RYR1: variants seen among roughly 807,000 people sequenced by gnomAD.
The protein encoded by RYR1 is central core disease of muscle.
Under a neutral mutation model 583.5 loss-of-function variants are expected in RYR1, and 342 were observed. That is an observed-to-expected ratio of 0.59 (90% CI 0.54 to 0.64). The LOEUF (loss-of-function observed/expected upper bound fraction) is 0.64. RYR1 is among the 30% of genes least tolerant of loss of function. RYR1 has a pLI of 0.00. For synonymous variants in RYR1, 2,791 were observed against 2,822.5 expected, an observed-to-expected ratio of 0.99 and a Z score of 0.35; for missense variants, 6,032 against 6,917.2, an observed-to-expected ratio of 0.87 and a Z score of 4.54.
intron 23 of RYR1, 148 bp from the exon 24 acceptor site, chr19:38,465,943 T>C (rs1968075166): frequency 3.7e-6 from 3 of 808,840 alleles, no homozygotes; most frequent in Admixed American, 2.3e-5. Context: ...TCAAAACTTA[T>C]TCTAAAATTT....
At chr19:38,441,799 G>C (rs1459457102) in intron 2 of RYR1, among the ~76,000 whole-genome samples, 2 of 152,028 alleles carry the variant, frequency 1.3e-5, no homozygotes, top group African/African-American at 4.8e-5. Flanking sequence ...GAGTTTAGGA[G>C]TTGGACGGTG....
Position 38,528,964 on chromosome 19 carries a change from A to G in RYR1, c.11048A>G (p.Gln3683Arg), listed in dbSNP as rs1600937472. Residue 3683 changes from glutamine (Q) to arginine (R), a missense_variant, in exon 76 of 106, where the codon CAG becomes CGG. Coordinates refer to ENST00000359596, the MANE Select transcript of RYR1 (RefSeq NM_000540.3). ...MIDDLSKAGE[Q>R]EEEEEEVEEK... ...CTCTCCCACCAGAAAGCTGGGGAGC[A>G]GGAGGAGGAGGAGGAAGAGGTGGAA... 6.5e-7 allele frequency: 1 copy of G among 1,533,280 alleles called. No individual in the cohort carries two copies. The highest frequency in any genetic ancestry group is 1.2e-5 in the South Asian group (1 of 85,548). 95.0% of individuals were successfully genotyped at this position (1,533,280 alleles called of 1,614,324 possible).
rs1276684055 is a variant in RYR1 at position 38,485,592 on chromosome 19, G to A, written c.4937G>A (p.Cys1646Tyr). Residue 1646 changes from cysteine (C) to tyrosine (Y), a missense_variant and splice_region_variant, in exon 34 of 106, where the codon TGC becomes TAC. Coordinates refer to ENST00000359596, the MANE Select transcript of RYR1 (RefSeq NM_000540.3). ...TCTGTTTCCCACCTCTGCTGCAGGT[G>A]CATGGACATCCTGGAGCTGTCGGAG... ...MALHIPEENR[C>Y]MDILELSERL... 1 of 1,608,902 alleles carries A rather than the reference G, an allele frequency of 6.2e-7. No individual in the cohort carries two copies. The highest frequency in any genetic ancestry group is 8.5e-7 in the Non-Finnish European group (1 of 1,179,968).
In RYR1 at chr19:38,444,134, C is replaced by T; in HGVS notation, c.425-15C>T. On this transcript the variant is annotated splice_polypyrimidine_tract_variant and intron_variant, in intron 5 of 105. Transcript: ENST00000359596. The surrounding 1 kb of genome is among the most constrained non-coding windows in gnomAD (Gnocchi z 5.1). Reference sequence around the variant, plus strand: ...CATCATCTGACAGCCACCCCCATTCCATCCCCACCCATAGGAGAGGCTTGC... The same window carrying T: ...CATCATCTGACAGCCACCCCCATTCTATCCCCACCCATAGGAGAGGCTTGC... 6 of 1,606,668 alleles carry T rather than the reference C, an allele frequency of 3.7e-6. No individual in the cohort carries two copies. Among genetic ancestry groups the T allele is most frequent in the Non-Finnish European group, 5.1e-6 (6 of 1,173,268 alleles).
At chr19:38,506,018 C>A in intron 54 of RYR1, 72 bp downstream of exon 54, 2 of 1,580,388 alleles carry the variant, frequency 1.3e-6, no homozygotes, top group Non-Finnish European at 8.6e-7. Flanking sequence ...CATGGCCAGA[C>A]AGGGAAGGGA....
At chr19:38,498,419 A>T (rs1295509921) in intron 42 of RYR1, among the ~76,000 whole-genome samples, 1 of 152,140 alleles carries the variant, frequency 6.6e-6, no homozygotes, top group Non-Finnish European at 1.5e-5. Flanking sequence ...GGTGGACAGA[A>T]CCGCTACAGG....
intron 29 of RYR1, 37 bp downstream of exon 29, chr19:38,475,487 G>A (rs376942057): frequency 1.2e-5 from 20 of 1,611,074 alleles, no homozygotes; most frequent in Middle Eastern, 3.3e-4. Context: ...GGGTCCCCCC[G>A]CATAGCATAG....
chr19:38,586,060 C>T lies in RYR1; in HGVS notation c.14869-31C>T, dbSNP rs770146122. Reference sequence around the variant, plus strand: ...TACGGGATTCAGGGGGTCAAGTGGGCCTCCACTCTGATGTCTCTTGCCACT... The same window carrying T: ...TACGGGATTCAGGGGGTCAAGTGGGTCTCCACTCTGATGTCTCTTGCCACT... On this transcript the variant is annotated intron_variant, in intron 103 of 105. Transcript: ENST00000359596. The T allele has an allele frequency of 8.1e-6, 13 of 1,613,616 alleles. No homozygotes were observed. The African/African-American group carries it at 1.3e-4, about 17-fold the overall frequency.
chr19:38,497,094 T>C, intron 42 of RYR1, 140 bp downstream of exon 42: 1 of 721,862 alleles, frequency 1.4e-6, no homozygotes, highest in Non-Finnish European at 2.5e-6. Flanking sequence ...GGAGACTAAT[T>C]TGCAGGGAGA....
chr19:38,479,959 A>C (rs1266738705), intron 31 of RYR1, among the ~76,000 whole-genome samples: 6 of 151,954 alleles, frequency 3.9e-5, no homozygotes, highest in Non-Finnish European at 7.4e-5. Flanking sequence ...GTCTCAAGCA[A>C]TCCTTCTGCC....
intron 3 of RYR1, 40 bp from the exon 4 acceptor site, chr19:38,443,518 G>C: frequency 1.3e-6 from 2 of 1,581,258 alleles, no homozygotes; most frequent in Non-Finnish European, 1.7e-6. Flanking sequence ...TGGAGAGTCC[G>C]GGGATCTGTG....
intron 47 of RYR1, 33 bp downstream of exon 47, chr19:38,501,023 C>A: frequency 1.9e-6 from 3 of 1,607,152 alleles, no homozygotes; most frequent in Non-Finnish European, 2.5e-6. Context: ...GCCACCCTCC[C>A]CACTTCCACA....
At chr19:38,454,719 T>C (rs1967269696) in intron 13 of RYR1, among the ~76,000 whole-genome samples, 1 of 152,008 alleles carries the variant, frequency 6.6e-6, no homozygotes, top group Non-Finnish European at 1.5e-5. Flanking sequence ...GAATTGATTG[T>C]ATATGTTTTA....
rs974558440 is a variant in RYR1 at position 38,580,239 on chromosome 19, C to T, written c.14511+111C>T. On this transcript the variant is annotated intron_variant, in intron 100 of 105. Coordinates refer to ENST00000359596, the MANE Select transcript of RYR1 (RefSeq NM_000540.3). Reference sequence around the variant, plus strand: ...GGCTGAGGAGGGGCAAGGCCAGGTGCGCTGAGCCGGGGGTGTGTGGGGCAG... The same window carrying T: ...GGCTGAGGAGGGGCAAGGCCAGGTGTGCTGAGCCGGGGGTGTGTGGGGCAG... 27 of 1,589,726 alleles carry T rather than the reference C, an allele frequency of 1.7e-5. No homozygotes were observed. In the East Asian group the frequency reaches 2.2e-4, roughly 13 times the overall value.
Position 38,502,936 on chromosome 19 carries a change from C to T in RYR1, c.7892C>T (p.Pro2631Leu). 1 of 1,611,290 alleles carries T rather than the reference C, an allele frequency of 6.2e-7. No homozygotes were observed. Among genetic ancestry groups the T allele is most frequent in the Non-Finnish European group, 8.5e-7 (1 of 1,180,000 alleles). Reference protein sequence around the residue: ...HLLRRLVFDVPILNEFAKMPL... With the variant: ...HLLRRLVFDVLILNEFAKMPL... Reference sequence around the variant, plus strand: ...TTGCGCCGCCTGGTGTTCGACGTGCCCATCCTCAACGAGTTCGCCAAGATG... The same window carrying T: ...TTGCGCCGCCTGGTGTTCGACGTGCTCATCCTCAACGAGTTCGCCAAGATG... The change falls in exon 49 of 106, where the codon CCC (proline) becomes CTC (leucine). Residue 2631 changes from proline (P) to leucine (L), a missense_variant. Physicochemically the swap from Pro to Leu is moderately conservative, Grantham distance 98. Around this residue, in one of 11 missense-constraint regions of RYR1, gnomAD observed 250 missense variants for 162.3 expected, o/e 1.54. Coordinates refer to ENST00000359596, the MANE Select transcript of RYR1 (RefSeq NM_000540.3).
At chr19:38,471,538 AAG>A (rs1968418909) in intron 27 of RYR1, among the ~76,000 whole-genome samples, 1 of 151,882 alleles carries the variant, frequency 6.6e-6, no homozygotes, top group Non-Finnish European at 1.5e-5. Flanking sequence ...CTAAGAAAAA[AAG>A]AGTGAATGCA....
At chr19:38,584,836 G>T in intron 101 of RYR1, 107 bp from the exon 102 acceptor site, 2 of 1,359,784 alleles carry the variant, frequency 1.5e-6, no homozygotes, top group Non-Finnish European at 2.1e-6. Flanking sequence ...CAGGGCCCAG[G>T]GCTGTCTCAG....
Position 38,512,305 on chromosome 19 carries a change from T to C in RYR1, c.9294T>C (p.Ser3098=), listed in dbSNP as rs1568521716. ...CTGGCCTCCGCTCCTTCTTCGAGAG[T>C]GCCTCGGAGGACATCGAGAAGATGG... The part of the protein sequence containing the change: ...VKAGLRSFFE[S]ASEDIEKMVE... The change falls in exon 63 of 106, where the codon AGT becomes AGC. Residue 3098 remains serine, a synonymous_variant. Coordinates refer to ENST00000359596, the MANE Select transcript of RYR1 (RefSeq NM_000540.3). The surrounding 1 kb of genome is among the most constrained non-coding windows in gnomAD (Gnocchi z 5.1). 2 of 1,613,942 alleles carry C rather than the reference T, an allele frequency of 1.2e-6. No homozygotes were observed. The highest frequency in any genetic ancestry group is 1.1e-5 in the South Asian group (1 of 91,076).
chr19:38,493,224 G>A (rs538887673), intron 38 of RYR1, among the ~76,000 whole-genome samples: 23 of 152,246 alleles, frequency 1.5e-4, no homozygotes, highest in South Asian at 6.2e-4. Context: ...TGTGGCTTCC[G>A]TGGCCTTGGG....
Sources: allele counts gnomAD v4.1 joint callset (sites outside exome capture counted in the v4.1 genomes callset), GRCh38; gene constraint gnomAD v4.1.1; regional missense constraint gnomAD v4.1.1; non-coding constraint Gnocchi (gnomAD v3.1); transcripts MANE v1.5; gene names NCBI Gene and HGNC (gene_info 2026-07-23, HGNC 2026-07-21).